DBX1: variants seen among roughly 807,000 people sequenced by gnomAD.
DBX1 encodes the protein developing brain homeobox 1, also known as homeobox protein DBX1.
A neutral mutation model predicts 20.8 loss-of-function variants in DBX1; 10 were observed. That is an observed-to-expected ratio of 0.48 (90% CI 0.30 to 0.82). The LOEUF is 0.82. DBX1 is among the 40% of genes least tolerant of loss of function. The probability of loss-of-function intolerance (pLI) is 0.07; values close to 1 mark genes in which losing one functional copy is unlikely to be tolerated. For synonymous variants in DBX1, 241 were observed against 213.9 expected (o/e 1.13, Z -1.11); for missense variants, 505 against 468.8 (o/e 1.08, Z -0.71).
Position 20,157,142 on chromosome 11 carries a change from G to GGAGAAGACTGCTCGACGCAGCATGCCC in DBX1, c.540_566dup (p.Gly181_Ser189dup), listed in dbSNP as rs1565142543. The GGAGAAGACTGCTCGACGCAGCATGCCC allele has an allele frequency of 6.2e-7, 1 of 1,612,996 alleles. No individual in the cohort carries two copies. Among genetic ancestry groups the GGAGAAGACTGCTCGACGCAGCATGCCC allele is most frequent in the Non-Finnish European group, 8.5e-7 (1 of 1,179,822 alleles). ...TCTCCAGCGCCTTCCGCTGCACGTCGGAGAAGACTGCTCGACGCAGCATGC... is the reference window on the plus strand; with the variant it reads ...TCTCCAGCGCCTTCCGCTGCACGTCGGAGAAGACTGCTCGACGCAGCATGCCCGAGAAGACTGCTCGACGCAGCATGC... On this transcript the variant is annotated inframe_insertion, in exon 3 of 4. Transcript: ENST00000524983.
At position 20,156,792 on chromosome 11, in the gene DBX1, C is replaced by A; in HGVS notation, c.673-219G>T. ...TGCCTCATCCGCTGCCACCCTGCCC[C>A]GAAGGGCGGGGTTGGGGGCCGGTGA... On this transcript the variant is annotated intron_variant, in intron 3 of 3. Coordinates refer to ENST00000524983, the MANE Select transcript of DBX1 (RefSeq NM_001029865.4). The surrounding 1 kb of genome is among the most constrained non-coding windows in gnomAD (Gnocchi z 4.8). 1 of 845,808 alleles carries A rather than the reference C, an allele frequency of 1.2e-6. No individual in the cohort carries two copies. Among genetic ancestry groups the A allele is most frequent in the Non-Finnish European group, 1.9e-6 (1 of 531,924 alleles). 52.4% of individuals were successfully genotyped at this position (845,808 alleles called of 1,614,324 possible). A position where few individuals can be genotyped will look rare whatever the true frequency, so the allele number is the denominator to read the frequency against.
rs2153737999 is a variant in DBX1 at position 20,160,471 on chromosome 11, C to A, written c.-147G>T. Reference sequence around the variant, plus strand: ...CAATCCCACTTGGGCGTCTGCGAGTCCTCCGTGGTCCTCTCGTCGAGGTGA... The same window carrying A: ...CAATCCCACTTGGGCGTCTGCGAGTACTCCGTGGTCCTCTCGTCGAGGTGA... On this transcript the variant is annotated 5_prime_UTR_variant, in exon 1 of 4. Coordinates refer to ENST00000524983, the MANE Select transcript of DBX1 (RefSeq NM_001029865.4). 34 of 1,020,010 alleles carry A rather than the reference C, an allele frequency of 3.3e-5. No individual in the cohort carries two copies. Among genetic ancestry groups the A allele is most frequent in the Non-Finnish European group, 4.3e-5 (32 of 748,052 alleles). The allele number at this position is 1,020,010 out of a possible 1,614,324, so 63.2% of individuals were successfully genotyped here.
In DBX1 at chr11:20,160,402, C is replaced by G; in HGVS notation, c.-78G>C. On this transcript the variant is annotated 5_prime_UTR_variant, in exon 1 of 4. Transcript: ENST00000524983. ...GCCTCGCTTCCCGCCCCTCCCGCCCCCACAGTGTCCTCTCTCTTGGGCTTA... is the reference window on the plus strand; with the variant it reads ...GCCTCGCTTCCCGCCCCTCCCGCCCGCACAGTGTCCTCTCTCTTGGGCTTA... The G allele has an allele frequency of 9.8e-6, 14 of 1,433,914 alleles. No homozygotes were observed. Among genetic ancestry groups the G allele is most frequent in the Non-Finnish European group, 1.3e-5 (14 of 1,095,858 alleles). 88.8% of individuals were successfully genotyped at this position (1,433,914 alleles called of 1,614,324 possible). A position where few individuals can be genotyped will look rare whatever the true frequency, so the allele number is the denominator to read the frequency against.
Position 20,156,249 on chromosome 11 carries a change from C to T in DBX1, c.997G>A (p.Glu333Lys), listed in dbSNP as rs2063654746. 6 of 1,520,916 alleles carry T rather than the reference C, an allele frequency of 3.9e-6. No homozygotes were observed. The highest frequency in any genetic ancestry group is 5.3e-6 in the Non-Finnish European group (6 of 1,136,586). 94.2% of individuals were successfully genotyped at this position (1,520,916 alleles called of 1,614,324 possible). The change falls in exon 4 of 4, where the codon GAG (glutamate) becomes AAG (lysine). Residue 333 changes from glutamate to lysine, a missense_variant. Physicochemically the swap from Glu to Lys is moderately conservative, Grantham distance 56 (BLOSUM62 1). Transcript: ENST00000524983. This position sits in a 1 kb window ranked among gnomAD's most constrained non-coding sequence, Gnocchi z 4.8. ...SDFSDSEEEEEGEEQEEITVS is the reference protein window; with the variant it reads ...SDFSDSEEEEKGEEQEEITVS ...GTGATTTCCTCCTGTTCCTCGCCCTCCTCTTCCTCCTCGGAATCTGAGAAG... is the reference window on the plus strand; with the variant it reads ...GTGATTTCCTCCTGTTCCTCGCCCTTCTCTTCCTCCTCGGAATCTGAGAAG...
rs1261756440 is a variant in DBX1 at position 20,160,138 on chromosome 11, T to G, written c.187A>C (p.Met63Leu). The G allele has an allele frequency of 6.5e-7, 1 of 1,548,396 alleles. No individual in the cohort carries two copies. The highest frequency in any genetic ancestry group is 1.2e-5 in the South Asian group (1 of 83,972). ...GGGGCCCCCTGCCTGGGCGGCGACA[T>G]GCTGGCGGTGGGCACGCTGCGGGGC... Reference protein sequence around the residue: ...YLPRSVPTASMSPPRQGAPTA... With the variant: ...YLPRSVPTASLSPPRQGAPTA... Residue 63 changes from methionine to leucine, a missense_variant, in exon 1 of 4, where the codon ATG (methionine) becomes CTG (leucine). Met to Leu is a conservative substitution (Grantham distance 15). Coordinates refer to ENST00000524983, the MANE Select transcript of DBX1 (RefSeq NM_001029865.4).
rs779140949 is a variant in DBX1, at chr11:20,156,506, C to T, written c.740G>A (p.Ser247Asn). 6 of 1,613,998 alleles carry T rather than the reference C, an allele frequency of 3.7e-6. No individual in the cohort carries two copies. The highest frequency in any genetic ancestry group is 5.1e-6 in the Non-Finnish European group (6 of 1,180,024). ...RNSKERELLS[S>N]GGCREQTLPT... is the part of the protein sequence containing the mutation. ...CAGGGTCTGCTCGCGACAGCCCCCG[C>T]TAGACAGGAGTTCGCGCTCCTTGGA... Residue 247 changes from serine to asparagine, a missense_variant, in exon 4 of 4, where the codon AGC becomes AAC. Ser to Asn is a conservative substitution (Grantham distance 46, BLOSUM62 1). Coordinates refer to ENST00000524983, the MANE Select transcript of DBX1 (RefSeq NM_001029865.4). The surrounding 1 kb of genome is among the most constrained non-coding windows in gnomAD (Gnocchi z 4.8).
rs75944386 is a variant in DBX1 at position 20,156,585 on chromosome 11, C to T, written c.673-12G>A. 2 of 1,613,894 alleles carry T rather than the reference C, an allele frequency of 1.2e-6. No homozygotes were observed. The highest frequency in any genetic ancestry group is 1.7e-6 in the Non-Finnish European group (2 of 1,179,988). On this transcript the variant is annotated splice_polypyrimidine_tract_variant and intron_variant, in intron 3 of 3. Coordinates refer to ENST00000524983, the MANE Select transcript of DBX1 (RefSeq NM_001029865.4). The surrounding 1 kb of genome is among the most constrained non-coding windows in gnomAD (Gnocchi z 4.8). The stretch of plus-strand genomic sequence containing the variant: ...AACCAGATTTTCACCTGGAATGTCC[C>T]GGCCGGCGAGAAGAAGGGAGAAGCA...
chr11:20,159,414 G>A, intron 1 of DBX1, 122 bp from the exon 2 acceptor site: 1 of 672,900 alleles, frequency 1.5e-6, no homozygotes, highest in Admixed American at 2.7e-5. Context: ...TGGTTTCAAA[G>A]ACATCTTTCT....
At chr11:20,158,945 G>T (rs1592273487) in intron 2 of DBX1, among the ~76,000 whole-genome samples, 1 of 152,224 alleles carries the variant, frequency 6.6e-6, no homozygotes. Flanking sequence ...CCTCAAATTG[G>T]GACCATGACA....
At position 20,159,297 on chromosome 11, in the gene DBX1, T is replaced by A; in HGVS notation, c.368-5A>T. 6.2e-7 allele frequency: 1 copy of A among 1,602,886 alleles called. No homozygotes were observed. Among genetic ancestry groups the A allele is most frequent in the Non-Finnish European group, 8.5e-7 (1 of 1,170,050 alleles). On this transcript the variant is annotated splice_polypyrimidine_tract_variant and splice_region_variant and intron_variant, in intron 1 of 3. Transcript: ENST00000524983. ...GGAGCAAGGCTGGGGATGTTTCTGG[T>A]GGGCGATGGAGGGGGGACAGAAGGA...
intron 1 of DBX1, 102 bp downstream of exon 1, chr11:20,159,856 G>GAT (rs1458255434): frequency 6.6e-7 from 1 of 1,506,748 alleles, no homozygotes; most frequent in African/African-American, 1.4e-5. Context: ...TGTGTGCACC[G>GAT]ATGTGTGTGT....
Position 20,156,647 on chromosome 11 carries a change from C to A in DBX1, c.673-74G>T. On this transcript the variant is annotated intron_variant, in intron 3 of 3. Transcript: ENST00000524983. This position sits in a 1 kb window ranked among gnomAD's most constrained non-coding sequence, Gnocchi z 4.8. ...AGGGGCTCCGGGGGACGCACGGGGG[C>A]GGGGAGTGGAGTCGGGTGCAGGCTC... The A allele has an allele frequency of 6.2e-7, 1 of 1,605,190 alleles. No individual in the cohort carries two copies. Among genetic ancestry groups the A allele is most frequent in the East Asian group, 2.2e-5 (1 of 44,832 alleles).
In DBX1 at chr11:20,159,239, A is replaced by C; in HGVS notation, c.421T>G (p.Tyr141Asp). The change falls in exon 2 of 4, where the codon TAC becomes GAC. Residue 141 changes from tyrosine (Y) to aspartate (D), a missense_variant. Transcript: ENST00000524983. ...SVPPKTFAFPYFEGSFQPFIR... is the reference protein window; with the variant it reads ...SVPPKTFAFPDFEGSFQPFIR... The stretch of plus-strand genomic sequence containing the variant: ...AAAGGCTGAAAAGACCCTTCGAAGT[A>C]GGGAAAGGCGAAGGTCTTGGGAGGG... 1 of 1,614,008 alleles carries C rather than the reference A, an allele frequency of 6.2e-7. No homozygotes were observed. The highest frequency in any genetic ancestry group is 8.5e-7 in the Non-Finnish European group (1 of 1,179,960).
chr11:20,158,233 G>A lies in DBX1; in HGVS notation c.469+958C>T, dbSNP rs569409278. 1.4e-3 allele frequency among the ~76,000 whole-genome samples: 168 copies of A among 120,040 alleles called. 1 individual carries two copies. Among genetic ancestry groups the A allele is most frequent in the African/African-American group, 5.0e-3 (161 of 32,022 alleles). 78.8% of individuals were successfully genotyped at this position (120,040 alleles called of 152,430 possible). A position where few individuals can be genotyped will look rare whatever the true frequency, so the allele number is the denominator to read the frequency against. On this transcript the variant is annotated intron_variant, in intron 2 of 3. Transcript: ENST00000524983. ...GGTGGTGGTGGTGGTGGTGGTGGTG[G>A]TGGTGGTGCTGGGGGGTGGGGGGAG...
Position 20,160,001 on chromosome 11 carries a change from C to T in DBX1, c.324G>A (p.Leu108=). 6.2e-7 allele frequency: 1 copy of T among 1,613,488 alleles called. No homozygotes were observed. Among genetic ancestry groups the T allele is most frequent in the Non-Finnish European group, 8.5e-7 (1 of 1,179,820 alleles). The change falls in exon 1 of 4, where the codon CTG becomes CTA. Residue 108 remains leucine, a synonymous_variant. Coordinates refer to ENST00000524983, the MANE Select transcript of DBX1 (RefSeq NM_001029865.4). ...AFSPASETTF[L]KFGVNAILSS... is the part of the protein sequence containing the mutation. Reference sequence around the variant, plus strand: ...AGAGGATGGCGTTCACTCCAAACTTCAGAAACGTCGTCTCGCTGGCAGGGG... The same window carrying T: ...AGAGGATGGCGTTCACTCCAAACTTTAGAAACGTCGTCTCGCTGGCAGGGG...
chr11:20,158,235 G>A, intron 2 of DBX1, among the ~76,000 whole-genome samples: 1 of 121,326 alleles, frequency 8.2e-6, no homozygotes, highest in African/African-American at 3.1e-5. Context: ...TGGTGGTGGT[G>A]GTGGTGCTGG....
intron 1 of DBX1, among the ~76,000 whole-genome samples, chr11:20,159,727 G>T (rs750248293): frequency 6.6e-6 from 1 of 152,212 alleles, no homozygotes; most frequent in Non-Finnish European, 1.5e-5. Context: ...CACAGTCTCC[G>T]ACTGCGTGTG....
In DBX1 at chr11:20,157,080, T is replaced by TCGAC. The variant is rs759850875; in HGVS notation, c.628_629insGTCG (p.Asp210GlyfsTer39). The TCGAC allele has an allele frequency of 6.2e-7, 1 of 1,614,000 alleles. No homozygotes were observed. Among genetic ancestry groups the TCGAC allele is most frequent in the Non-Finnish European group, 8.5e-7 (1 of 1,179,998 alleles). The stretch of plus-strand genomic sequence containing the variant: ...CAGCTTGGCCGCCAGCTTCTTGCGG[T>TCGAC]CGGGCTTGCTGATGTACTTCTGCTT... On this transcript the variant is annotated frameshift_variant, in exon 3 of 4. Coordinates refer to ENST00000524983, the MANE Select transcript of DBX1 (RefSeq NM_001029865.4). LOFTEE classifies it low-confidence loss of function (END_TRUNC).
rs1360550794 is a variant in DBX1, at chr11:20,160,201, C to T, written c.124G>A (p.Glu42Lys). The T allele has an allele frequency of 1.3e-6, 2 of 1,547,718 alleles. No individual in the cohort carries two copies. The highest frequency in any genetic ancestry group is 1.7e-6 in the Non-Finnish European group (2 of 1,146,600). The change falls in exon 1 of 4, where the codon GAG becomes AAG. Residue 42 changes from glutamate (E) to lysine (K), a missense_variant. Coordinates refer to ENST00000524983, the MANE Select transcript of DBX1 (RefSeq NM_001029865.4). ...GGTCGGCTGATGCGGATCAGATCCT[C>T]CACCAGGAAGCTGGAGTGGCCGGAA... The part of the protein sequence containing the change: ...AFSGHSSFLV[E>K]DLIRISRPPA...
Sources: allele counts gnomAD v4.1 joint callset (sites outside exome capture counted in the v4.1 genomes callset), GRCh38; gene constraint gnomAD v4.1.1; non-coding constraint Gnocchi (gnomAD v3.1); transcripts MANE v1.5; gene names NCBI Gene and HGNC (gene_info 2026-07-23, HGNC 2026-07-21).